Variants in ZNF599 observed in about 807,000 individuals in gnomAD.
ZNF599 encodes the protein zinc finger protein 599.
ZNF599 carries 10 observed loss-of-function variants against 11.7 expected under a neutral mutation model. That is an observed-to-expected ratio of 0.86 (90% CI 0.53 to 1.45). The LOEUF is 1.45. Ranked by LOEUF, ZNF599 falls within the 40% of genes most tolerant of loss-of-function variation. The probability of loss-of-function intolerance (pLI) is 0.00; values close to 1 mark genes in which losing one functional copy is unlikely to be tolerated. For synonymous variants in ZNF599, 232 were observed against 253.2 expected, an observed-to-expected ratio of 0.92 and a Z score of 0.79; for missense variants, 688 against 713.6, an observed-to-expected ratio of 0.96 and a Z score of 0.41.
the ZNF599 span, among the ~76,000 whole-genome samples, chr19:34,787,107 A>G: frequency 6.6e-6 from 1 of 152,156 alleles, no homozygotes; most frequent in Non-Finnish European, 1.5e-5. Flanking sequence ...GCTCATTAAA[A>G]TCCAGTGAAT....
the ZNF599 span, among the ~76,000 whole-genome samples, chr19:34,794,191 C>T: frequency 1.5e-3 from 230 of 152,278 alleles, 1 homozygote; most frequent in African/African-American, 5.3e-3. Context: ...CGCTGCCCCA[C>T]GATTCAGTCA....
chr19:34,773,435 T>C (rs2069199942), upstream of ZNF599, among the ~76,000 whole-genome samples: 1 of 151,876 alleles, frequency 6.6e-6, no homozygotes, highest in South Asian at 2.1e-4. Context: ...CACACAGAGT[T>C]CCGTGGAAAT....
chr19:34,766,985 A>G (rs1201058329), intron 3 of ZNF599: 1 of 236,660 alleles, frequency 4.2e-6, no homozygotes, highest in African/African-American at 2.2e-5. Context: ...GTTGAGTCAC[A>G]TGATTTTGGA....
rs1472174119 is a variant in ZNF599 at position 34,758,959 on chromosome 19, C to T, written c.*75G>A. On this transcript the variant is annotated 3_prime_UTR_variant, in exon 4 of 4. Coordinates refer to ENST00000329285, the MANE Select transcript of ZNF599 (RefSeq NM_001007248.3). ...CAAAATATTTCCCTCAATAGTTATA[C>T]TCAAAAGGAAAGGTATGTCACCACT... The T allele has an allele frequency of 8.3e-6, 12 of 1,451,608 alleles. No homozygotes were observed. The highest frequency in any genetic ancestry group is 1.1e-5 in the Non-Finnish European group (12 of 1,074,034). The allele number at this position is 1,451,608 out of a possible 1,614,324, so 89.9% of individuals were successfully genotyped here. A position where few individuals can be genotyped will look rare whatever the true frequency, so the allele number is the denominator to read the frequency against.
chr19:34,759,497 C>T lies in ZNF599; in HGVS notation c.1304G>A (p.Ser435Asn), dbSNP rs755589395. The change falls in exon 4 of 4, where the codon AGC becomes AAC. Residue 435 changes from serine to asparagine, a missense_variant. Physicochemically the swap from Ser to Asn is conservative, Grantham distance 46. Coordinates refer to ENST00000329285, the MANE Select transcript of ZNF599 (RefSeq NM_001007248.3). ...CCTCATATGTTGAATTAAGGAAGAG[C>T]TGTCACAAAAGGCCTTCCCACATTC... Reference protein sequence around the residue: ...CKECGKAFCDSSSLIQHMRIH... With the variant: ...CKECGKAFCDNSSLIQHMRIH... 1.2e-6 allele frequency: 2 copies of T among 1,614,072 alleles called. No individual in the cohort carries two copies. Among genetic ancestry groups the T allele is most frequent in the South Asian group, 1.1e-5 (1 of 91,068 alleles).
chr19:34,760,377 G>A lies in ZNF599; in HGVS notation c.424C>T (p.His142Tyr), dbSNP rs375923674. The A allele has an allele frequency of 5.1e-5, 83 of 1,613,914 alleles. No homozygotes were observed. Among genetic ancestry groups the A allele is most frequent in the Non-Finnish European group, 6.6e-5 (78 of 1,180,014 alleles). Residue 142 changes from histidine (H) to tyrosine (Y), a missense_variant, in exon 4 of 4, where the codon CAC (histidine) becomes TAC (tyrosine). By Grantham distance (83) the His-to-Tyr change is moderately conservative. Coordinates refer to ENST00000329285, the MANE Select transcript of ZNF599 (RefSeq NM_001007248.3). ...AACTTCTCAGGGCATATCTCTTTGT[G>A]GGGGTTTGTTCCTGGCCTCAAGTTC... ...EGNLRPGTNP[H>Y]KEICPEKLSY...
At chr19:34,793,972 C>G in the ZNF599 span, among the ~76,000 whole-genome samples, 1 of 152,118 alleles carries the variant, frequency 6.6e-6, no homozygotes, top group Admixed American at 6.6e-5. Context: ...GGGCAATTTA[C>G]AAAAGAAAGA....
chr19:34,794,566 CTTTTTTTTTCTT>C, the ZNF599 span, among the ~76,000 whole-genome samples: 6 of 149,710 alleles, frequency 4.0e-5, no homozygotes, highest in Admixed American at 4.0e-4. Context: ...CCTCCTTAAT[CTTTTTTTTTCTT>C]TTTTTTTTTT....
chr19:34,779,449 G>A, the ZNF599 span: 2 of 456,044 alleles, frequency 4.4e-6, no homozygotes, highest in African/African-American at 4.0e-5. Context: ...TCATCAGAGT[G>A]AACTCTCTGA....
At chr19:34,765,269 A>C (rs1031873338) in intron 3 of ZNF599, 2 of 302,438 alleles carry the variant, frequency 6.6e-6, no homozygotes, top group Admixed American at 8.8e-5. Context: ...ATTTGCTTCT[A>C]AAGTATAGAA....
chr19:34,807,440 C>A, the ZNF599 span, among the ~76,000 whole-genome samples: 1 of 152,196 alleles, frequency 6.6e-6, no homozygotes, highest in African/African-American at 2.4e-5. Flanking sequence ...ATGGGTGGCA[C>A]CCTAGCCTAG....
chr19:34,777,518 ATATAT>A (rs1340501546), upstream of ZNF599, among the ~76,000 whole-genome samples: 7 of 115,470 alleles, frequency 6.1e-5, no homozygotes, highest in South Asian at 2.3e-4. Context: ...TTATATATTA[ATATAT>A]TATATATAAT....
chr19:34,802,995 C>G, the ZNF599 span, among the ~76,000 whole-genome samples: 1 of 152,118 alleles, frequency 6.6e-6, no homozygotes, highest in Non-Finnish European at 1.5e-5. Flanking sequence ...TAAATAGTGA[C>G]CATGTCGGTA....
chr19:34,765,450 C>A, intron 3 of ZNF599: 1 of 652,516 alleles, frequency 1.5e-6, no homozygotes. Flanking sequence ...CTAAGCTGTG[C>A]CTGGACTCCC....
chr19:34,765,277 G>A, intron 3 of ZNF599: 1 of 348,234 alleles, frequency 2.9e-6, no homozygotes, highest in Non-Finnish European at 5.4e-6. Flanking sequence ...CTAAAGTATA[G>A]AATATGGCAA....
At chr19:34,795,624 T>C in the ZNF599 span, among the ~76,000 whole-genome samples, 2 of 152,072 alleles carry the variant, frequency 1.3e-5, no homozygotes, top group Non-Finnish European at 2.9e-5. Flanking sequence ...CCTGAATTGT[T>C]AACATAAGAA....
At chr19:34,761,677 G>A (rs2145451819) in intron 3 of ZNF599, among the ~76,000 whole-genome samples, 1 of 152,222 alleles carries the variant, frequency 6.6e-6, no homozygotes, top group South Asian at 2.1e-4. Flanking sequence ...AAGGCCATTG[G>A]GAAAAGGAGG....
At chr19:34,780,878 C>T in the ZNF599 span, among the ~76,000 whole-genome samples, 6 of 151,894 alleles carry the variant, frequency 4.0e-5, no homozygotes, top group Non-Finnish European at 8.8e-5. Context: ...AGGAAGGGGC[C>T]GGGTGCGGTG....
At chr19:34,772,493 T>G in intron 1 of ZNF599, 1 of 1,216,332 alleles carries the variant, frequency 8.2e-7, no homozygotes, top group African/African-American at 1.6e-5. Flanking sequence ...AGGACCCACG[T>G]CACAAGCGTA....
Sources: gnomAD v4.1 joint callset for allele counts (sites outside exome capture counted in the v4.1 genomes callset) on GRCh38, gnomAD v4.1.1 for gene constraint, MANE v1.5 for transcripts, NCBI Gene and HGNC (gene_info 2026-07-23, HGNC 2026-07-21) for gene names.